The following RTL5 variants were observed in gnomAD, a reference collection of about 807,000 sequenced individuals.
RTL5 encodes the protein retrotransposon Gag-like protein 5.
In RTL5, 8 loss-of-function variants were observed where a neutral mutation model predicts 7.7. The observed-to-expected ratio is 1.04, with a 90% CI of 0.61 to 1.88. The LOEUF (loss-of-function observed/expected upper bound fraction) is 1.88, where lower values mean the gene tolerates loss of function less well. Ranked by LOEUF, RTL5 falls within the 40% of genes most tolerant of loss-of-function variation. The pLI is 0.00. For missense variants in RTL5, 457 were observed against 472.7 expected, an observed-to-expected ratio of 0.97 and a Z score of 0.31; for synonymous variants, 188 against 191.8, an observed-to-expected ratio of 0.98 and a Z score of 0.16.
At chrX:72,129,871 T>A (rs779228396) in exon 1 of RTL5, 2 of 1,201,185 alleles carry the variant, frequency 1.7e-6, no homozygotes, top group Non-Finnish European at 2.2e-6. Context: ...GTGGCCCCCC[T>A]GTCTCGGAGT....
chrX:72,130,168 T>A (rs1173776029), exon 1 of RTL5: 1 of 1,210,825 alleles, frequency 8.3e-7, no homozygotes, highest in Admixed American at 2.2e-5. Flanking sequence ...ATCTTGGGCC[T>A]CATCCAGTGG....
At position 72,131,623 on chromosome X, in the gene RTL5, G is replaced by A. The variant is rs979658338; in HGVS notation, c.-83C>T. On this transcript the variant is annotated 5_prime_UTR_variant, in exon 1 of 1. Transcript: ENST00000609883. ...GGGCGGCCGGAGGAGGCCGAAATGC[G>A]GCGGCGGGGCTCGGGAGGGACCGAA... 3 of 978,161 alleles carry A rather than the reference G, an allele frequency of 3.1e-6. No individual in the cohort carries two copies. In the East Asian group the frequency reaches 9.7e-5, roughly 31 times the overall value. 80.6% of individuals were successfully genotyped at this position (978,161 alleles called of 1,213,427 possible). A position where few individuals can be genotyped will look rare whatever the true frequency, so the allele number is the denominator to read the frequency against.
chrX:72,131,601 C>T, exon 1 of RTL5: 14 of 1,086,565 alleles, frequency 1.3e-5, no homozygotes, highest in Non-Finnish European at 1.7e-5. Context: ...GAACTACGGG[C>T]GGCCGGAGGA....
At chrX:72,130,613 T>G in exon 1 of RTL5, 1 of 1,211,830 alleles carries the variant, frequency 8.3e-7, no homozygotes, top group Non-Finnish European at 1.1e-6. Flanking sequence ...ACGCGCACTT[T>G]TCTTTCTATC....
chrX:72,130,410 C>T (rs1318838572), exon 1 of RTL5: 1 of 1,193,621 alleles, frequency 8.4e-7, no homozygotes, highest in South Asian at 1.8e-5. Flanking sequence ...TCTCCTCCTC[C>T]TCCTTCTCCT....
chrX:72,131,003 G>A (rs1218947293), exon 1 of RTL5: 1 of 1,211,232 alleles, frequency 8.3e-7, no homozygotes, highest in Admixed American at 2.2e-5. Flanking sequence ...CCGGGGAAAT[G>A]AACCTCATGG....
At chrX:72,130,583 G>A (rs900141511) in exon 1 of RTL5, 2 of 1,209,682 alleles carry the variant, frequency 1.7e-6, no homozygotes, top group East Asian at 3.0e-5. Flanking sequence ...CGAACTCCAG[G>A]GAGCGGGATA....
At chrX:72,131,210 G>C (rs1258884141) in exon 1 of RTL5, 2 of 1,200,631 alleles carry the variant, frequency 1.7e-6, no homozygotes, top group Non-Finnish European at 2.2e-6. Flanking sequence ...GGGGTGCTGC[G>C]ATCCTGGATC....
At chrX:72,131,663 C>T (rs1164801066) in exon 1 of RTL5, 15 of 726,261 alleles carry the variant, frequency 2.1e-5, no homozygotes, top group Non-Finnish European at 2.9e-5. Flanking sequence ...GGCAGCGGGG[C>T]ACGGGCCAGG....
chrX:72,127,770 G>A (rs1164016827), exon 1 of RTL5: 1 of 112,769 alleles, frequency 8.9e-6, no homozygotes, highest in Non-Finnish European at 1.9e-5. Flanking sequence ...GTGGGGATGG[G>A]GAAAACCAGA....
exon 1 of RTL5, chrX:72,131,198 C>T: frequency 8.4e-7 from 1 of 1,195,722 alleles, no homozygotes. Flanking sequence ...GCGGGCCCGT[C>T]GGGGGTGCTG....
exon 1 of RTL5, chrX:72,129,577 C>A: frequency 2.7e-6 from 1 of 365,369 alleles, no homozygotes; most frequent in South Asian, 6.6e-5. Context: ...CAGCTCGTGG[C>A]CGGACTGAGC....
At chrX:72,131,887 G>A, upstream of RTL5, 1 of 397,432 alleles carries the variant, frequency 2.5e-6, no homozygotes, top group Non-Finnish European at 4.2e-6. Context: ...CGGAGCGGGA[G>A]GGAGCGGACT....
At chrX:72,131,632 G>T (rs1032599772) in exon 1 of RTL5, 4 of 916,466 alleles carry the variant, frequency 4.4e-6, no homozygotes, top group Non-Finnish European at 5.9e-6. Context: ...CGGCGGCGGG[G>T]CTCGGGAGGG....
At chrX:72,131,260 G>C in exon 1 of RTL5, 1 of 1,199,195 alleles carries the variant, frequency 8.3e-7, no homozygotes, top group Non-Finnish European at 1.1e-6. Context: ...GTCGGGCTCC[G>C]CGCGTGGGGG....
At chrX:72,127,154 A>G (rs780910485), downstream of RTL5, 1 of 111,675 alleles carries the variant, frequency 9.0e-6, no homozygotes, top group South Asian at 3.8e-4. Flanking sequence ...AAGCTTTAGC[A>G]TACAGAGCAG....
At chrX:72,128,893 C>T (rs1013556838) in exon 1 of RTL5, 1 of 113,635 alleles carries the variant, frequency 8.8e-6, no homozygotes, top group Non-Finnish European at 1.9e-5. Context: ...GAAAGAGTCA[C>T]TCTTTACAAT....
At chrX:72,131,179 G>T (rs745324287) in exon 1 of RTL5, 1 of 1,186,232 alleles carries the variant, frequency 8.4e-7, no homozygotes. Flanking sequence ...GGGCAGCAGA[G>T]GGGGGTCAGC....
In RTL5 at chrX:72,131,111, G is replaced by A. The variant is rs1334419545; in HGVS notation, c.430C>T (p.Pro144Ser). The A allele has an allele frequency of 5.0e-6, 6 of 1,205,388 alleles. No homozygotes were observed. The highest frequency in any genetic ancestry group is 6.7e-6 in the Non-Finnish European group (6 of 892,078). ...TCAGGCCGCTCCAGCGGTGCCAGAG[G>A]GGGTTGCGGGGGCGGTTCCTTTGAC... Residue 144 changes from proline to serine, a missense_variant, in exon 1 of 1, where the codon CCT (proline) becomes TCT (serine). Coordinates refer to ENST00000609883, the Ensembl canonical transcript of RTL5.
Sources: gnomAD v4.1 joint callset for allele counts on GRCh38, gnomAD v4.1.1 for gene constraint, MANE v1.5 for transcripts, NCBI Gene and HGNC (gene_info 2026-07-23, HGNC 2026-07-21) for gene names.